Variants in ROBO2 observed in about 807,000 individuals in gnomAD.
ROBO2 encodes the protein roundabout homolog 2.
A neutral mutation model predicts 160.8 loss-of-function variants in ROBO2; 53 were observed. The observed-to-expected ratio is 0.33, with a 90% CI of 0.26 to 0.41. The LOEUF is 0.41. Among genes scored for constraint, ROBO2 ranks in the 10% least tolerant of loss-of-function variants. The pLI is 1.00. For missense variants in ROBO2, 1,577 were observed against 1,722.4 expected, an observed-to-expected ratio of 0.92 and a Z score of 1.49; for synonymous variants, 664 against 611.7, an observed-to-expected ratio of 1.09 and a Z score of -1.26.
At chr3:77,518,730 A>G (rs2090287702) in intron 5 of ROBO2, among the ~76,000 whole-genome samples, 1 of 151,496 alleles carries the variant, frequency 6.6e-6, no homozygotes, top group South Asian at 2.1e-4. Flanking sequence ...TGTTTATTAT[A>G]ATCTTTTCCA....
chr3:76,842,789 C>A (rs2068412245), intron 2 of ROBO2, among the ~76,000 whole-genome samples: 1 of 152,034 alleles, frequency 6.6e-6, no homozygotes, highest in African/African-American at 2.4e-5. Flanking sequence ...AGGTTACTAA[C>A]CAGGGGCAGA....
intron 1 of ROBO2, among the ~76,000 whole-genome samples, chr3:75,933,415 G>A (rs1484159325): frequency 6.6e-6 from 1 of 152,156 alleles, no homozygotes; most frequent in African/African-American, 2.4e-5. Flanking sequence ...CCATCAACCT[G>A]CAGGCTCACT....
At chr3:76,508,281 G>A (rs559031077) in intron 2 of ROBO2, among the ~76,000 whole-genome samples, 124 of 152,028 alleles carry the variant, frequency 8.2e-4, no homozygotes, top group African/African-American at 2.8e-3. Context: ...TTAGAACTAC[G>A]TTCAAATTTA....
intron 2 of ROBO2, among the ~76,000 whole-genome samples, chr3:77,240,692 C>T (rs1287072837): frequency 6.6e-6 from 1 of 152,214 alleles, no homozygotes; most frequent in Non-Finnish European, 1.5e-5. Flanking sequence ...TGATGTGGAA[C>T]CCATGGATAT....
rs369402945 is a variant in ROBO2, at chr3:76,417,227, C to A, written c.109+479625C>A. ...CATAGAAATAACCTAACTCAGTGTA[C>A]TCATTTTGCATATAAGACAACTCTG... is the stretch of plus-strand genomic sequence containing the variant. On this transcript the variant is annotated intron_variant, in intron 2 of 26. Coordinates refer to the ROBO2 transcript ENST00000487694. Among the ~76,000 whole-genome samples, 7 of 152,308 alleles carry A rather than the reference C, an allele frequency of 4.6e-5. No individual in the cohort carries two copies. The East Asian group carries it at 1.2e-3, about 25-fold the overall frequency.
At chr3:77,304,917 G>T (rs1400962458) in intron 2 of ROBO2, among the ~76,000 whole-genome samples, 1 of 152,130 alleles carries the variant, frequency 6.6e-6, no homozygotes, top group Non-Finnish European at 1.5e-5. Flanking sequence ...GCATTTGTAA[G>T]TCTGCAGTAT....
chr3:77,265,340 C>T (rs1270321374), intron 2 of ROBO2, among the ~76,000 whole-genome samples: 5 of 152,132 alleles, frequency 3.3e-5, no homozygotes, highest in East Asian at 1.9e-4. Flanking sequence ...CTCCTTATTT[C>T]GTAAGGTGTA....
At chr3:76,784,638 CT>C (rs2062860455) in intron 2 of ROBO2, among the ~76,000 whole-genome samples, 1 of 151,088 alleles carries the variant, frequency 6.6e-6, no homozygotes, top group African/African-American at 2.4e-5. Context: ...ATATAGGATG[CT>C]TGGGGCATTC....
At chr3:76,896,045 T>C (rs2074744757) in intron 2 of ROBO2, among the ~76,000 whole-genome samples, 1 of 152,156 alleles carries the variant, frequency 6.6e-6, no homozygotes, top group Non-Finnish European at 1.5e-5. Context: ...AGTTCTTTAC[T>C]TGCAATATTA....
chr3:76,055,244 G>T (rs1364471203), intron 2 of ROBO2, among the ~76,000 whole-genome samples: 1 of 152,148 alleles, frequency 6.6e-6, no homozygotes, highest in Non-Finnish European at 1.5e-5. Context: ...ACAACCTGTG[G>T]GGATTATGGG....
intron 2 of ROBO2, among the ~76,000 whole-genome samples, chr3:76,563,482 T>C (rs7650377): frequency 0.32 from 48,469 of 152,062 alleles, 8,043 homozygotes; most frequent in Middle Eastern, 0.44. Context: ...TTCTTGTCCC[T>C]TTATGAAAAG....
At chr3:76,555,507 C>A (rs1255786723) in intron 2 of ROBO2, among the ~76,000 whole-genome samples, 1 of 151,834 alleles carries the variant, frequency 6.6e-6, no homozygotes, top group African/African-American at 2.4e-5. Flanking sequence ...TGAAAATGGT[C>A]AGAAACAAGA....
intron 2 of ROBO2, among the ~76,000 whole-genome samples, chr3:77,009,031 A>G (rs2061728386): frequency 6.6e-6 from 1 of 152,234 alleles, no homozygotes; most frequent in Non-Finnish European, 1.5e-5. Flanking sequence ...CAGTCAGGAT[A>G]CTGAAGCATT....
chr3:76,446,872 C>A (rs2077209155), intron 2 of ROBO2, among the ~76,000 whole-genome samples: 1 of 152,090 alleles, frequency 6.6e-6, no homozygotes, highest in African/African-American at 2.4e-5. Context: ...CTTCCTTACA[C>A]CTTATACAAA....
intron 2 of ROBO2, among the ~76,000 whole-genome samples, chr3:76,404,827 G>A (rs965653448): frequency 2.6e-5 from 4 of 151,546 alleles, no homozygotes; most frequent in African/African-American, 9.7e-5. Flanking sequence ...AAAGTTAAAC[G>A]ATAATTCCGA....
intron 20 of ROBO2, among the ~76,000 whole-genome samples, chr3:77,605,151 G>C (rs1377227303): frequency 6.9e-6 from 1 of 144,898 alleles, no homozygotes; most frequent in Non-Finnish European, 1.5e-5. Flanking sequence ...GTGACAGACT[G>C]AGACCCTGTC....
chr3:76,283,569 C>T (rs1226686209), intron 2 of ROBO2, among the ~76,000 whole-genome samples: 4 of 151,816 alleles, frequency 2.6e-5, no homozygotes, highest in Non-Finnish European at 5.9e-5. Context: ...GAATAGCTAT[C>T]CTTGAGAAGC....
At chr3:77,334,136 T>A (rs574650598) in intron 2 of ROBO2, among the ~76,000 whole-genome samples, 1 of 152,314 alleles carries the variant, frequency 6.6e-6, no homozygotes, top group African/African-American at 2.4e-5. Flanking sequence ...TAGTTTTGAT[T>A]GGTAGATACA....
At chr3:77,266,172 A>G (rs1359170538) in intron 2 of ROBO2, among the ~76,000 whole-genome samples, 2 of 151,252 alleles carry the variant, frequency 1.3e-5, no homozygotes, top group Non-Finnish European at 3.0e-5. Flanking sequence ...GCTTTTCCCC[A>G]TGCTATTTAT....
Sources: allele counts gnomAD v4.1 joint callset (sites outside exome capture counted in the v4.1 genomes callset), GRCh38; gene constraint gnomAD v4.1.1; transcripts MANE v1.5; gene names NCBI Gene and HGNC (gene_info 2026-07-23, HGNC 2026-07-21).